The following ARID5B variants were observed in gnomAD, a reference collection of about 807,000 sequenced individuals.
ARID5B encodes the protein AT-rich interaction domain 5B, also known as AT-rich interactive domain-containing protein 5B.
A neutral mutation model predicts 97.2 loss-of-function variants in ARID5B; 13 were observed. That is an observed-to-expected ratio of 0.13 (90% CI 0.09 to 0.21). The LOEUF is 0.21. Ranked by LOEUF, ARID5B falls within the 10% of genes least tolerant of loss-of-function variation. ARID5B has a pLI of 1.00. For missense variants in ARID5B, 1,210 were observed against 1,465.3 expected (o/e 0.83, Z 2.84); for synonymous variants, 556 against 570.3 (o/e 0.97, Z 0.36).
intron 2 of ARID5B, among the ~76,000 whole-genome samples, chr10:61,926,090 T>A (rs1844101011): frequency 1.3e-5 from 2 of 152,346 alleles, no homozygotes; most frequent in East Asian, 3.9e-4. Context: ...GGAGTCAAAT[T>A]AAATCTTAGC....
chr10:61,924,672 C>T (rs1044884844), intron 2 of ARID5B, among the ~76,000 whole-genome samples: 1 of 152,134 alleles, frequency 6.6e-6, no homozygotes, highest in African/African-American at 2.4e-5. Context: ...AAGATTTACT[C>T]GGTTTGTACA....
At chr10:62,020,865 AT>A (rs1839346365) in intron 4 of ARID5B, among the ~76,000 whole-genome samples, 1 of 151,814 alleles carries the variant, frequency 6.6e-6, no homozygotes, top group Admixed American at 6.6e-5. Context: ...AGTTTTCTAC[AT>A]TTTGTTAAGT....
chr10:61,933,564 A>G lies in ARID5B; in HGVS notation c.277-6619A>G, dbSNP rs187937533. On this transcript the variant is annotated intron_variant, in intron 2 of 9. Coordinates refer to ENST00000279873, the MANE Select transcript of ARID5B (RefSeq NM_032199.3). ...TTACTCCTTGATCCATGGACTGCAG[A>G]ATAGATGTTGTGTTAGCAGGCATAA... is the stretch of plus-strand genomic sequence containing the variant. 8.9e-3 allele frequency among the ~76,000 whole-genome samples: 1,355 copies of G among 152,306 alleles called. 33 individuals carry two copies. The highest frequency in any genetic ancestry group is 0.031 in the African/African-American group (1,296 of 41,538).
At chr10:61,990,500 G>C (rs541412107) in intron 3 of ARID5B, among the ~76,000 whole-genome samples, 1 of 152,156 alleles carries the variant, frequency 6.6e-6, no homozygotes, top group African/African-American at 2.4e-5. Context: ...TGAAATGACT[G>C]CTCTTATCCT....
At chr10:62,001,166 C>G (rs1375650830) in intron 4 of ARID5B, among the ~76,000 whole-genome samples, 1 of 152,184 alleles carries the variant, frequency 6.6e-6, no homozygotes, top group African/African-American at 2.4e-5. Context: ...TGGATCATAT[C>G]AGTGGTTTTC....
At position 61,909,318 on chromosome 10, in the gene ARID5B, G is replaced by GTTTTTTTT. The variant is rs777612375; in HGVS notation, c.276+6923_276+6930dup. On this transcript the variant is annotated intron_variant, in intron 2 of 9. Coordinates refer to ENST00000279873, the MANE Select transcript of ARID5B (RefSeq NM_032199.3). ...TGCAATATTTAGTGCTATTCAGTGA[G>GTTTTTTTT]TTTTTTTTTTTTTTTTTTTTTTTTT... Among the ~76,000 whole-genome samples the GTTTTTTTT allele has an allele frequency of 5.3e-3, 409 of 77,252 alleles. 27 individuals are homozygous for GTTTTTTTT. The highest frequency in any genetic ancestry group is 6.5e-3 in the Non-Finnish European group (278 of 42,680). The allele number at this position is 77,252 out of a possible 152,430, so 50.7% of individuals were successfully genotyped here. A position where few individuals can be genotyped will look rare whatever the true frequency, so the allele number is the denominator to read the frequency against.
At chr10:62,053,110 T>A (rs1304605925) in intron 5 of ARID5B, among the ~76,000 whole-genome samples, 1 of 152,252 alleles carries the variant, frequency 6.6e-6, no homozygotes, top group Non-Finnish European at 1.5e-5. Context: ...TGTCTTAACA[T>A]GGTCTTTTCT....
chr10:62,069,843 T>C (rs1190657515), intron 8 of ARID5B, 46 bp downstream of exon 8: 1 of 1,573,386 alleles, frequency 6.4e-7, no homozygotes, highest in South Asian at 1.1e-5. Flanking sequence ...GTGTGTTAAT[T>C]GAAAGGAGCT....
intron 4 of ARID5B, among the ~76,000 whole-genome samples, chr10:62,033,318 G>A (rs1257741261): frequency 6.6e-6 from 1 of 152,158 alleles, no homozygotes; most frequent in African/African-American, 2.4e-5. Context: ...CTCTCATCCT[G>A]TTGAGGCACA....
chr10:62,093,287 C>T lies in ARID5B; in HGVS notation c.*257C>T, dbSNP rs1323600689. ...AGGCACCTCCAGATCATTCACTTCG[C>T]ACGTGGGCCTTGTGAAGGGATTTGT... is the stretch of plus-strand genomic sequence containing the variant. On this transcript the variant is annotated 3_prime_UTR_variant, in exon 10 of 10. Coordinates refer to ENST00000279873, the MANE Select transcript of ARID5B (RefSeq NM_032199.3). 1 of 407,884 alleles carries T rather than the reference C, an allele frequency of 2.5e-6. No individual in the cohort carries two copies. Among genetic ancestry groups the T allele is most frequent in the Non-Finnish European group, 4.3e-6 (1 of 231,866 alleles). 25.3% of individuals were successfully genotyped at this position (407,884 alleles called of 1,614,324 possible).
At chr10:62,071,462 T>C (rs1422907308) in intron 8 of ARID5B, among the ~76,000 whole-genome samples, 1 of 151,758 alleles carries the variant, frequency 6.6e-6, no homozygotes, top group Non-Finnish European at 1.5e-5. Flanking sequence ...CAGATAGCAA[T>C]TAAAGCTTGA....
intron 4 of ARID5B, among the ~76,000 whole-genome samples, chr10:62,002,147 A>G (rs943501215): frequency 5.9e-5 from 9 of 152,202 alleles, no homozygotes; most frequent in African/African-American, 2.2e-4. Flanking sequence ...AAATGTTTTA[A>G]CCTTTCTGGT....
intron 2 of ARID5B, among the ~76,000 whole-genome samples, chr10:61,926,989 A>T (rs566496809): frequency 6.6e-6 from 1 of 151,726 alleles, no homozygotes; most frequent in African/African-American, 2.4e-5. Flanking sequence ...AATGGCAAAA[A>T]CCACAATGAC....
Position 61,920,674 on chromosome 10 carries a change from G to A in ARID5B, c.276+18261G>A, listed in dbSNP as rs540601123. 2.0e-5 allele frequency among the ~76,000 whole-genome samples: 3 copies of A among 152,118 alleles called. No homozygotes were observed. The South Asian group carries it at 6.2e-4, about 32-fold the overall frequency. On this transcript the variant is annotated intron_variant, in intron 2 of 9. Coordinates refer to ENST00000279873, the MANE Select transcript of ARID5B (RefSeq NM_032199.3). ...TGGAATTCTCATATGGTAGTTAAGGGCATAACATAATATTGCTCTTGAAAA... is the reference window on the plus strand; with the variant it reads ...TGGAATTCTCATATGGTAGTTAAGGACATAACATAATATTGCTCTTGAAAA...
intron 4 of ARID5B, among the ~76,000 whole-genome samples, chr10:62,009,727 A>C (rs897825147): frequency 6.6e-6 from 1 of 152,206 alleles, no homozygotes; most frequent in Non-Finnish European, 1.5e-5. Context: ...GTCCATGGGA[A>C]AGTTTGCCAT....
At chr10:62,056,967 T>TA (rs1190967662) in intron 5 of ARID5B, 150 bp from the exon 6 acceptor site, 2 of 698,738 alleles carry the variant, frequency 2.9e-6, no homozygotes, top group Non-Finnish European at 4.7e-6. Context: ...TCTTCAGTGA[T>TA]GCCTCTGAAA....
At chr10:62,030,593 A>G (rs1430796862) in intron 4 of ARID5B, among the ~76,000 whole-genome samples, 1 of 152,242 alleles carries the variant, frequency 6.6e-6, no homozygotes, top group East Asian at 1.9e-4. Flanking sequence ...AATAACTGTA[A>G]GTAAACAATT....
At chr10:62,075,625 C>T (rs917732566) in intron 8 of ARID5B, among the ~76,000 whole-genome samples, 11 of 152,238 alleles carry the variant, frequency 7.2e-5, no homozygotes, top group African/African-American at 2.4e-4. Flanking sequence ...GTCAAAGCTC[C>T]TCTTTCACTT....
In ARID5B at chr10:62,092,911, G is replaced by A. The variant is rs749479364; in HGVS notation, c.3448G>A (p.Val1150Ile). ...LYRHLAAATP[V>I]GSSYGDLLHN... is the part of the protein sequence containing the mutation. ...CAGACACTTGGCTGCGGCTACACCTGTAGGAAGTTCATATGGGGACCTTTT... is the reference window on the plus strand; with the variant it reads ...CAGACACTTGGCTGCGGCTACACCTATAGGAAGTTCATATGGGGACCTTTT... The change falls in exon 10 of 10, where the codon GTA becomes ATA. Residue 1150 changes from valine to isoleucine, a missense_variant. Physicochemically the swap from Val to Ile is conservative, Grantham distance 29. Coordinates refer to ENST00000279873, the MANE Select transcript of ARID5B (RefSeq NM_032199.3). The A allele has an allele frequency of 3.1e-6, 5 of 1,614,088 alleles. No individual in the cohort carries two copies. Among genetic ancestry groups the A allele is most frequent in the South Asian group, 2.2e-5 (2 of 91,090 alleles).
Sources: allele counts gnomAD v4.1 joint callset (sites outside exome capture counted in the v4.1 genomes callset), GRCh38; gene constraint gnomAD v4.1.1; transcripts MANE v1.5; gene names NCBI Gene and HGNC (gene_info 2026-07-23, HGNC 2026-07-21).